Variants in RABGAP1L observed in about 807,000 individuals in gnomAD.
RABGAP1L encodes rab GTPase-activating protein 1-like.
In RABGAP1L, 63 loss-of-function variants were observed where a neutral mutation model predicts 137.7. The observed-to-expected ratio is 0.46, with a 90% CI of 0.37 to 0.56. RABGAP1L has a LOEUF of 0.56. Ranked by LOEUF, RABGAP1L falls within the 20% of genes least tolerant of loss-of-function variation. The pLI is 0.00. For missense variants in RABGAP1L, 1,095 were observed against 1,244.0 expected (o/e 0.88, Z 1.80); for synonymous variants, 431 against 433.7 (o/e 0.99, Z 0.08).
intron 13 of RABGAP1L, among the ~76,000 whole-genome samples, chr1:174,549,878 T>C (rs1275632685): frequency 6.6e-6 from 1 of 152,106 alleles, no homozygotes; most frequent in Non-Finnish European, 1.5e-5. Flanking sequence ...TTATGACAGC[T>C]GAGAGTAAGC....
chr1:174,293,845 G>A (rs1465017168), intron 10 of RABGAP1L, among the ~76,000 whole-genome samples: 1 of 152,050 alleles, frequency 6.6e-6, no homozygotes, highest in Middle Eastern at 3.2e-3. Flanking sequence ...ATTTGAATGA[G>A]TATTATCTAT....
At chr1:174,403,029 G>A (rs1218660745) in intron 13 of RABGAP1L, among the ~76,000 whole-genome samples, 1 of 152,044 alleles carries the variant, frequency 6.6e-6, no homozygotes, top group East Asian at 1.9e-4. Flanking sequence ...GTGGTCTTTT[G>A]TAAAAATGAT....
At chr1:174,849,983 C>T (rs1362777835) in intron 19 of RABGAP1L, 6 of 725,622 alleles carry the variant, frequency 8.3e-6, no homozygotes, top group Non-Finnish European at 2.3e-6. Flanking sequence ...TTAGAAATGA[C>T]AGCAGCTTGT....
At chr1:174,309,703 C>T (rs1678635949) in intron 11 of RABGAP1L, among the ~76,000 whole-genome samples, 1 of 152,034 alleles carries the variant, frequency 6.6e-6, no homozygotes, top group Non-Finnish European at 1.5e-5. Flanking sequence ...TGGATGAATC[C>T]CACTTGATCA....
At chr1:174,790,622 G>GAAAA (rs34341853) in intron 18 of RABGAP1L, among the ~76,000 whole-genome samples, 2 of 142,854 alleles carry the variant, frequency 1.4e-5, no homozygotes, top group Non-Finnish European at 3.0e-5. Flanking sequence ...CGACAAAAGT[G>GAAAA]AAAAAAAAAA....
chr1:174,772,203 A>C (rs1686165836), intron 18 of RABGAP1L, among the ~76,000 whole-genome samples: 1 of 151,898 alleles, frequency 6.6e-6, no homozygotes, highest in Non-Finnish European at 1.5e-5. Flanking sequence ...CTCAAAAAAA[A>C]ACAAAAAACA....
intron 19 of RABGAP1L, among the ~76,000 whole-genome samples, chr1:174,821,990 C>CGGT (rs1294349997): frequency 2.6e-5 from 4 of 152,288 alleles, no homozygotes; most frequent in Non-Finnish European, 5.9e-5. Flanking sequence ...AAGCTGGGTG[C>CGGT]GGTGGCTCAC....
intron 13 of RABGAP1L, among the ~76,000 whole-genome samples, chr1:174,546,168 A>G (rs533350137): frequency 6.6e-6 from 1 of 152,212 alleles, no homozygotes; most frequent in East Asian, 1.9e-4. Context: ...GCTGCTCTAA[A>G]GTTGGGTCTG....
rs570340840 is a variant in RABGAP1L at position 174,262,763 on chromosome 1, G to A, written c.987-9651G>A. Among the ~76,000 whole-genome samples, 9 of 152,312 alleles carry A rather than the reference G, an allele frequency of 5.9e-5. No homozygotes were observed. In the South Asian group the frequency reaches 1.9e-3, roughly 32 times the overall value. ...TTAACCATATCCTATCCAGTTACCAGGTTATTGCCCCTTGGCTCCAAATCT... is the reference window on the plus strand; with the variant it reads ...TTAACCATATCCTATCCAGTTACCAAGTTATTGCCCCTTGGCTCCAAATCT... On this transcript the variant is annotated intron_variant, in intron 7 of 25. Coordinates refer to ENST00000681986, the MANE Select transcript of RABGAP1L (RefSeq NM_001366446.1).
chr1:174,225,166 TTAATCTCCA>T (rs1670069406), intron 3 of RABGAP1L, among the ~76,000 whole-genome samples: 1 of 152,168 alleles, frequency 6.6e-6, no homozygotes, highest in Non-Finnish European at 1.5e-5. Context: ...TTTTACTTTG[TTAATCTCCA>T]TTCTGCTATT....
At chr1:174,744,090 T>TTAAAAA (rs1683674846) in intron 17 of RABGAP1L, among the ~76,000 whole-genome samples, 1 of 45,128 alleles carries the variant, frequency 2.2e-5, no homozygotes, top group African/African-American at 8.8e-5. Context: ...GTGAAATACG[T>TTAAAAA]AAAAAAAAAA....
At chr1:174,438,039 A>G (rs6682450) in intron 13 of RABGAP1L, among the ~76,000 whole-genome samples, 3,064 of 152,204 alleles carry the variant, frequency 0.02, 110 homozygotes, top group African/African-American at 0.071. Flanking sequence ...TGTCACCACC[A>G]GACCTGCCCT....
rs146220218 is a variant in RABGAP1L at position 174,201,357 on chromosome 1, C to T, written c.-33-17768C>T. On this transcript the variant is annotated intron_variant, in intron 1 of 25. Coordinates refer to ENST00000681986, the MANE Select transcript of RABGAP1L (RefSeq NM_001366446.1). ...GATTACAGGCACCCACCACCACACC[C>T]GGCTAATTTTTGTTTGTTTTAGTAG... Among the ~76,000 whole-genome samples, 1,336 of 151,788 alleles carry T rather than the reference C, an allele frequency of 8.8e-3. 6 individuals carry two copies. The highest frequency in any genetic ancestry group is 0.014 in the Non-Finnish European group (969 of 67,922).
chr1:174,779,488 A>G (rs1336752314), intron 18 of RABGAP1L, among the ~76,000 whole-genome samples: 3 of 152,226 alleles, frequency 2.0e-5, no homozygotes, highest in Admixed American at 6.5e-5. Context: ...GAAGTTCTGC[A>G]TGTTCAGCAA....
At chr1:174,709,755 C>T (rs900370749) in intron 17 of RABGAP1L, among the ~76,000 whole-genome samples, 2 of 152,152 alleles carry the variant, frequency 1.3e-5, no homozygotes, top group African/African-American at 2.4e-5. Flanking sequence ...ATTCCAAAAA[C>T]CAGAATGCCT....
intron 15 of RABGAP1L, among the ~76,000 whole-genome samples, chr1:174,697,750 A>G (rs1270603040): frequency 6.6e-6 from 1 of 152,218 alleles, no homozygotes; most frequent in East Asian, 1.9e-4. Context: ...GTGTCACTTG[A>G]GGCTTTGATG....
chr1:174,327,994 T>TATACACATAC (rs1680660508), intron 11 of RABGAP1L, among the ~76,000 whole-genome samples: 1 of 77,418 alleles, frequency 1.3e-5, no homozygotes, highest in African/African-American at 6.5e-5. Flanking sequence ...CACATATATA[T>TATACACATAC]ATATATATAT....
In RABGAP1L at chr1:174,302,410, A is replaced by G. The variant is rs555141776; in HGVS notation, c.1324-2576A>G. Among the ~76,000 whole-genome samples the G allele has an allele frequency of 3.9e-5, 6 of 152,336 alleles. 1 individual carries two copies. In the South Asian group the frequency reaches 1.2e-3, roughly 32 times the overall value. ...GACAGAATTTGGATTCAGAAAAGAG[A>G]GAGGTCTCAAGAAACAAGAGAGGAA... On this transcript the variant is annotated intron_variant, in intron 10 of 25. Transcript: ENST00000681986.
intron 11 of RABGAP1L, among the ~76,000 whole-genome samples, chr1:174,362,594 G>C (rs546728800): frequency 6.6e-6 from 1 of 152,058 alleles, no homozygotes; most frequent in African/African-American, 2.4e-5. Context: ...AGAGATGTTC[G>C]TTCATGTCCT....
Sources: gnomAD v4.1 joint callset for allele counts (sites outside exome capture counted in the v4.1 genomes callset) on GRCh38, gnomAD v4.1.1 for gene constraint, MANE v1.5 for transcripts, NCBI Gene and HGNC (gene_info 2026-07-23, HGNC 2026-07-21) for gene names.